The following FECH variants were observed in gnomAD, a reference collection of about 807,000 sequenced individuals.
FECH encodes the protein ferrochelatase, mitochondrial.
A neutral mutation model predicts 56.9 loss-of-function variants in FECH; 40 were observed. The observed-to-expected ratio is 0.70, with a 90% CI of 0.55 to 0.92. FECH has a LOEUF of 0.92. Among genes scored for constraint, FECH ranks in the 40% least tolerant of loss-of-function variants. FECH has a pLI of 0.00. For missense variants in FECH, 431 were observed against 529.1 expected, an observed-to-expected ratio of 0.81 and a Z score of 1.82; for synonymous variants, 175 against 198.6, an observed-to-expected ratio of 0.88 and a Z score of 1.00.
chr18:57,563,953 A>G (rs2050983272), intron 5 of FECH, among the ~76,000 whole-genome samples: 1 of 152,136 alleles, frequency 6.6e-6, no homozygotes, highest in African/African-American at 2.4e-5. Context: ...ATCTCAGCTT[A>G]CCGCAACCTC....
intron 1 of FECH, among the ~76,000 whole-genome samples, chr18:57,580,569 A>C (rs1411654497): frequency 2.0e-5 from 3 of 152,094 alleles, no homozygotes; most frequent in Non-Finnish European, 4.4e-5. Flanking sequence ...GAAAAGTGAA[A>C]AGCCGCCGAT....
Position 57,550,707 on chromosome 18 carries a change from G to A in FECH, c.*5C>T, listed in dbSNP as rs374760629. The A allele has an allele frequency of 1.5e-5, 25 of 1,613,878 alleles. No homozygotes were observed. Among genetic ancestry groups the A allele is most frequent in the Non-Finnish European group, 2.0e-5 (24 of 1,179,972 alleles). On this transcript the variant is annotated 3_prime_UTR_variant, in exon 11 of 11. Transcript: ENST00000262093. ...GCCTAACGCCACGGGGTCCACCGGC[G>A]GGGGTCACAGCTGCTGGCTGGTGAA...
chr18:57,557,082 A>G (rs2050878250), intron 7 of FECH, among the ~76,000 whole-genome samples: 1 of 152,138 alleles, frequency 6.6e-6, no homozygotes, highest in Admixed American at 6.5e-5. Flanking sequence ...AGTGGCATCC[A>G]CATGAAGCCT....
chr18:57,554,471 G>A (rs907163579), intron 8 of FECH, 47 bp from the exon 9 acceptor site: 7 of 1,606,970 alleles, frequency 4.4e-6, no homozygotes, highest in East Asian at 2.2e-5. Context: ...GCCTCCTGAC[G>A]GTCTGTAGTA....
At chr18:57,579,283 G>GC (rs2051236070) in intron 2 of FECH, among the ~76,000 whole-genome samples, 1 of 81,062 alleles carries the variant, frequency 1.2e-5, no homozygotes, top group South Asian at 2.9e-4. Context: ...ATGTGTGTGT[G>GC]TATATATGTG....
At chr18:57,573,156 A>G in intron 3 of FECH, 90 bp downstream of exon 3, 1 of 1,308,366 alleles carries the variant, frequency 7.6e-7, no homozygotes, top group Non-Finnish European at 1.1e-6. Flanking sequence ...ATACGCATTA[A>G]AACTATTTAC....
chr18:57,585,863 C>A (rs1238355646), intron 1 of FECH: 1 of 152,240 alleles, frequency 6.6e-6, no homozygotes, highest in Non-Finnish European at 1.5e-5. Context: ...TGTACATTTA[C>A]CAAAGCTCTG....
Position 57,546,836 on chromosome 18 carries a change from G to A in FECH, c.*3876C>T, listed in dbSNP as rs1380599849. Among the ~76,000 whole-genome samples the A allele has an allele frequency of 6.6e-6, 1 of 151,796 alleles. No homozygotes were observed. The highest frequency in any genetic ancestry group is 1.5e-5 in the Non-Finnish European group (1 of 67,952). ...TAGCCGGGCATGGTGGCACACGCCTGAGTAGCCCAGCTACTCCGGAGGCTG... is the reference window on the plus strand; with the variant it reads ...TAGCCGGGCATGGTGGCACACGCCTAAGTAGCCCAGCTACTCCGGAGGCTG... On this transcript the variant is annotated 3_prime_UTR_variant, in exon 11 of 11. Coordinates refer to ENST00000262093, the MANE Select transcript of FECH (RefSeq NM_000140.5).
chr18:57,571,647 A>T, intron 3 of FECH, 107 bp from the exon 4 acceptor site: 2 of 1,538,196 alleles, frequency 1.3e-6, no homozygotes. Flanking sequence ...AGAGAGCCTA[A>T]CAAGATTAAG....
At chr18:57,567,738 C>T (rs548399397) in intron 4 of FECH, 1 of 152,202 alleles carries the variant, frequency 6.6e-6, no homozygotes, top group African/African-American at 2.4e-5. Context: ...TATACAAGGA[C>T]GACATTCCTC....
At chr18:57,566,677 G>C (rs2051020982) in intron 4 of FECH, 96 bp from the exon 5 acceptor site, 1 of 1,467,480 alleles carries the variant, frequency 6.8e-7, no homozygotes, top group South Asian at 1.2e-5. Context: ...ACAAAGAACA[G>C]TTCATGTAAT....
Position 57,566,428 on chromosome 18 carries a change from G to A in FECH, c.598+19C>T. The A allele has an allele frequency of 6.2e-7, 1 of 1,614,066 alleles. No homozygotes were observed. Among genetic ancestry groups the A allele is most frequent in the Non-Finnish European group, 8.5e-7 (1 of 1,179,966 alleles). ...CCAGCACCGTATCTACCTTTCCACT[G>A]TCAGAGAGATGCCCTTACCTGTGGT... On this transcript the variant is annotated intron_variant, in intron 5 of 10. Coordinates refer to ENST00000262093, the MANE Select transcript of FECH (RefSeq NM_000140.5).
chr18:57,555,007 G>T, intron 7 of FECH, 55 bp from the exon 8 acceptor site: 2 of 1,378,758 alleles, frequency 1.5e-6, no homozygotes, highest in Non-Finnish European at 2.1e-6. Flanking sequence ...GGCCCCGAGA[G>T]CCTCTGACTA....
chr18:57,567,559 G>A (rs1041264897), intron 4 of FECH, among the ~76,000 whole-genome samples: 11 of 152,350 alleles, frequency 7.2e-5, no homozygotes, highest in African/African-American at 2.4e-4. Flanking sequence ...AGGGATGATA[G>A]TGAGAATCAC....
chr18:57,555,793 G>A (rs1027809010), intron 7 of FECH, among the ~76,000 whole-genome samples: 18 of 152,234 alleles, frequency 1.2e-4, no homozygotes, highest in Middle Eastern at 6.8e-3. Flanking sequence ...TGGAAACAGT[G>A]CCTGGAATAT....
At chr18:57,564,110 T>G (rs1598993373) in intron 5 of FECH, among the ~76,000 whole-genome samples, 1 of 152,162 alleles carries the variant, frequency 6.6e-6, no homozygotes, top group African/African-American at 2.4e-5. Context: ...ACTCCCAACC[T>G]CAGGTGATCT....
intron 1 of FECH, 107 bp from the exon 2 acceptor site, chr18:57,580,306 G>T: frequency 1.4e-6 from 2 of 1,403,648 alleles, no homozygotes; most frequent in Non-Finnish European, 2.0e-6. Context: ...GAGATCCCAT[G>T]GCAGAAATGA....
chr18:57,557,281 G>C (rs768424827), intron 7 of FECH, among the ~76,000 whole-genome samples: 6 of 152,190 alleles, frequency 3.9e-5, no homozygotes, highest in Non-Finnish European at 8.8e-5. Flanking sequence ...AAAGTTGTCA[G>C]AAGGGAACGC....
At chr18:57,581,683 T>C (rs1423430340) in intron 1 of FECH, among the ~76,000 whole-genome samples, 1 of 152,186 alleles carries the variant, frequency 6.6e-6, no homozygotes, top group Non-Finnish European at 1.5e-5. Flanking sequence ...AAATGACACC[T>C]TGCTACAGGG....
Sources: gnomAD v4.1 joint callset for allele counts (sites outside exome capture counted in the v4.1 genomes callset) on GRCh38, gnomAD v4.1.1 for gene constraint, MANE v1.5 for transcripts, NCBI Gene and HGNC (gene_info 2026-07-23, HGNC 2026-07-21) for gene names.